The following ACER3 variants were observed in gnomAD, a reference collection of about 807,000 sequenced individuals.
The protein encoded by ACER3 is alkCDase 3.
Under a neutral mutation model 48.9 loss-of-function variants are expected in ACER3, and 16 were observed. That is an observed-to-expected ratio of 0.33 (90% confidence interval 0.22 to 0.50). The LOEUF is 0.50. Among genes scored for constraint, ACER3 ranks in the 20% least tolerant of loss-of-function variants. The pLI is 0.98. For missense variants in ACER3, 227 were observed against 326.0 expected, an observed-to-expected ratio of 0.70 and a Z score of 2.34; for synonymous variants, 109 against 107.8, an observed-to-expected ratio of 1.01 and a Z score of -0.07.
At chr11:76,873,140 G>T (rs969792260) in intron 1 of ACER3, among the ~76,000 whole-genome samples, 1 of 151,648 alleles carries the variant, frequency 6.6e-6, no homozygotes, top group African/African-American at 2.4e-5. Flanking sequence ...GGCTGGTCTC[G>T]AACTCCTGGC....
intron 6 of ACER3, chr11:76,994,136 CT>C (rs56841188): frequency 0.56 from 223,750 of 396,814 alleles, 39,488 homozygotes; most frequent in African/African-American, 0.61. Flanking sequence ...ATTAAACTTT[CT>C]TTTTTTTTTT....
intron 1 of ACER3, among the ~76,000 whole-genome samples, chr11:76,918,939 T>C (rs1453065779): frequency 6.6e-6 from 1 of 151,496 alleles, no homozygotes; most frequent in African/African-American, 2.4e-5. Context: ...TGTTTAACAT[T>C]ATTTGAAGAT....
intron 1 of ACER3, among the ~76,000 whole-genome samples, chr11:76,888,463 C>G (rs1209404263): frequency 6.6e-6 from 1 of 152,120 alleles, no homozygotes; most frequent in Non-Finnish European, 1.5e-5. Context: ...AGTCTGAATC[C>G]AGTTTGGCTG....
intron 2 of ACER3, among the ~76,000 whole-genome samples, chr11:76,929,693 C>T (rs75705577): frequency 6.6e-6 from 1 of 152,322 alleles, no homozygotes; most frequent in Admixed American, 6.5e-5. Context: ...TGTTGAATTT[C>T]GTCAAAGGCC....
intron 7 of ACER3, among the ~76,000 whole-genome samples, chr11:77,013,350 A>G (rs536014018): frequency 1.3e-5 from 2 of 152,350 alleles, no homozygotes; most frequent in South Asian, 4.1e-4. Flanking sequence ...AACTACTTGC[A>G]AAATATATAT....
intron 1 of ACER3, among the ~76,000 whole-genome samples, chr11:76,894,149 C>CA (rs1398882109): frequency 2.7e-4 from 41 of 152,236 alleles, no homozygotes; most frequent in African/African-American, 9.9e-4. Context: ...CGTGGTGGTA[C>CA]ACTCCTTTAG....
At chr11:77,000,463 G>T (rs1949008281) in intron 7 of ACER3, among the ~76,000 whole-genome samples, 1 of 152,066 alleles carries the variant, frequency 6.6e-6, no homozygotes, top group Admixed American at 6.5e-5. Context: ...TGTTTTTGGT[G>T]TCAAGTCTAA....
At chr11:76,995,631 A>G (rs1268844685) in intron 6 of ACER3, among the ~76,000 whole-genome samples, 4 of 152,150 alleles carry the variant, frequency 2.6e-5, no homozygotes, top group Admixed American at 6.5e-5. Context: ...AAAAACCTCT[A>G]TAAGTTTAGA....
chr11:76,994,794 G>A (rs1473759214), intron 6 of ACER3, among the ~76,000 whole-genome samples: 1 of 152,134 alleles, frequency 6.6e-6, no homozygotes, highest in Non-Finnish European at 1.5e-5. Flanking sequence ...GGTATGGCTG[G>A]CCCTAGCTAT....
chr11:76,983,188 T>C lies in ACER3; in HGVS notation c.321-2455T>C, dbSNP rs926202377. Among the ~76,000 whole-genome samples the C allele has an allele frequency of 3.9e-4, 59 of 152,250 alleles. 1 individual carries two copies. The highest frequency in any genetic ancestry group is 3.8e-3 in the Admixed American group (58 of 15,282). ...TTGAGGAAAGTTAATATCTTAACAT[T>C]ACTAAGTCTCCCAAACCATGAATGT... On this transcript the variant is annotated intron_variant, in intron 4 of 10. Transcript: ENST00000532485.
At chr11:76,934,137 G>C in intron 2 of ACER3, among the ~76,000 whole-genome samples, 1 of 151,740 alleles carries the variant, frequency 6.6e-6, no homozygotes, top group East Asian at 1.9e-4. Context: ...GAGGGCGGCC[G>C]GGCAGAGACG....
intron 2 of ACER3, among the ~76,000 whole-genome samples, chr11:76,928,228 T>G (rs1017362039): frequency 6.6e-6 from 1 of 152,256 alleles, no homozygotes; most frequent in African/African-American, 2.4e-5. Flanking sequence ...TGAGCATTTT[T>G]TCATGTGTTT....
chr11:76,973,312 C>T (rs1948356957), intron 3 of ACER3, among the ~76,000 whole-genome samples: 1 of 152,130 alleles, frequency 6.6e-6, no homozygotes, highest in African/African-American at 2.4e-5. Context: ...ACTGAGATAC[C>T]CCCCTGTGCC....
At chr11:76,866,955 G>C (rs980658861) in intron 1 of ACER3, among the ~76,000 whole-genome samples, 1 of 152,146 alleles carries the variant, frequency 6.6e-6, no homozygotes, top group Non-Finnish European at 1.5e-5. Context: ...TCATGCCCAG[G>C]CCATATTTTC....
At chr11:76,998,707 A>T in intron 6 of ACER3, 56 bp from the exon 7 acceptor site, 1 of 1,312,140 alleles carries the variant, frequency 7.6e-7, no homozygotes, top group East Asian at 2.6e-5. Context: ...GGCAAAATAG[A>T]CTTCCTTTGC....
At chr11:76,878,060 AT>A (rs1476255731) in intron 1 of ACER3, among the ~76,000 whole-genome samples, 1 of 151,920 alleles carries the variant, frequency 6.6e-6, no homozygotes, top group African/African-American at 2.4e-5. Context: ...GAATACATTC[AT>A]TTATCCATTC....
chr11:76,977,361 T>C (rs1948469503), intron 4 of ACER3, among the ~76,000 whole-genome samples: 1 of 152,164 alleles, frequency 6.6e-6, no homozygotes, highest in African/African-American at 2.4e-5. Context: ...ACCCTTCCTG[T>C]ACTGCATGAT....
intron 2 of ACER3, among the ~76,000 whole-genome samples, chr11:76,931,926 A>G (rs1314988652): frequency 6.7e-6 from 1 of 148,974 alleles, no homozygotes; most frequent in African/African-American, 2.5e-5. Flanking sequence ...ACTTTGGTGA[A>G]TCTGACAATT....
At chr11:76,926,478 G>C in intron 1 of ACER3, 79 bp from the exon 2 acceptor site, 1 of 784,536 alleles carries the variant, frequency 1.3e-6, no homozygotes, top group Non-Finnish European at 2.0e-6. Flanking sequence ...TGTAATTGTT[G>C]TTAAAGCCTA....
Sources: gnomAD v4.1 joint callset for allele counts (sites outside exome capture counted in the v4.1 genomes callset) on GRCh38, gnomAD v4.1.1 for gene constraint, MANE v1.5 for transcripts, NCBI Gene and HGNC (gene_info 2026-07-23, HGNC 2026-07-21) for gene names.